TMPRSS11E: variants seen among roughly 807,000 people sequenced by gnomAD.
TMPRSS11E encodes transmembrane serine protease 11E.
A neutral mutation model predicts 48.1 loss-of-function variants in TMPRSS11E; 38 were observed. The ratio of observed to expected loss-of-function variants is 0.79; its 90% CI spans 0.61 to 1.04. The LOEUF (loss-of-function observed/expected upper bound fraction) is 1.04. Ranked by LOEUF, TMPRSS11E falls within the 50% of genes least tolerant of loss-of-function variation. TMPRSS11E has a pLI of 0.00. For synonymous variants in TMPRSS11E, 158 were observed against 171.9 expected (o/e 0.92, Z 0.63); for missense variants, 530 against 510.8 (o/e 1.04, Z -0.36).
chr4:68,455,258 A>G (rs1458020807), intron 1 of TMPRSS11E, among the ~76,000 whole-genome samples: 1 of 151,956 alleles, frequency 6.6e-6, no homozygotes, highest in African/African-American at 2.4e-5. Flanking sequence ...CAAATGCTGA[A>G]TTTTAATTAG....
At chr4:68,466,429 A>C (rs1204599307) in intron 2 of TMPRSS11E, among the ~76,000 whole-genome samples, 1 of 152,108 alleles carries the variant, frequency 6.6e-6, no homozygotes, top group Non-Finnish European at 1.5e-5. Flanking sequence ...TACAGCTTTT[A>C]TTCTCTAAAT....
At chr4:68,449,734 AAG>A (rs1171730474) in intron 1 of TMPRSS11E, among the ~76,000 whole-genome samples, 1 of 151,818 alleles carries the variant, frequency 6.6e-6, no homozygotes, top group African/African-American at 2.4e-5. Flanking sequence ...GAAAAAGAAA[AAG>A]AAATGTGTAA....
chr4:68,452,325 A>G (rs1401474209), intron 1 of TMPRSS11E, among the ~76,000 whole-genome samples: 1 of 152,014 alleles, frequency 6.6e-6, no homozygotes, highest in African/African-American at 2.4e-5. Flanking sequence ...GTTACTTTAC[A>G]TTAAATTTTG....
chr4:68,478,343 C>T (rs1310624993), intron 8 of TMPRSS11E, among the ~76,000 whole-genome samples: 7 of 151,236 alleles, frequency 4.6e-5, no homozygotes, highest in South Asian at 2.1e-4. Flanking sequence ...AGGGTTTCAC[C>T]ATGTTGGCCA....
chr4:68,449,379 A>G (rs1728432927), intron 1 of TMPRSS11E, among the ~76,000 whole-genome samples: 1 of 151,786 alleles, frequency 6.6e-6, no homozygotes, highest in Admixed American at 6.6e-5. Context: ...GTGTATACTA[A>G]CTGTATTTAT....
chr4:68,454,615 T>C (rs1008519120), intron 1 of TMPRSS11E, among the ~76,000 whole-genome samples: 2 of 151,954 alleles, frequency 1.3e-5, no homozygotes, highest in Non-Finnish European at 2.9e-5. Context: ...CGAGAGGGTC[T>C]ATACATTTTT....
rs902945743 is a variant in TMPRSS11E at position 68,478,823 on chromosome 4, A to G, written c.968-26A>G. On this transcript the variant is annotated intron_variant, in intron 8 of 9. Coordinates refer to ENST00000305363, the MANE Select transcript of TMPRSS11E (RefSeq NM_014058.4). ...TTTATAAAATATATGTATGTCTACA[A>G]ATACAAAGACTTTTTTTTCTTTTAG... 9.9e-6 allele frequency: 16 copies of G among 1,610,086 alleles called. No individual in the cohort carries two copies. In the African/African-American group the frequency reaches 1.9e-4, roughly 19 times the overall value.
intron 1 of TMPRSS11E, among the ~76,000 whole-genome samples, chr4:68,457,861 T>C (rs1210863361): frequency 6.6e-6 from 1 of 151,888 alleles, no homozygotes; most frequent in East Asian, 1.9e-4. Context: ...ATGTTTTCAC[T>C]CATAAGTGGG....
chr4:68,473,383 C>G (rs1729125766), intron 5 of TMPRSS11E, among the ~76,000 whole-genome samples: 1 of 152,082 alleles, frequency 6.6e-6, no homozygotes, highest in African/African-American at 2.4e-5. Flanking sequence ...TCCACCTCTG[C>G]TTACTTAATG....
intron 8 of TMPRSS11E, 98 bp downstream of exon 8, chr4:68,477,726 G>A (rs547973004): frequency 2.7e-6 from 4 of 1,461,664 alleles, no homozygotes; most frequent in South Asian, 2.6e-5. Flanking sequence ...TAGTTGTGTG[G>A]TCATATGACC....
chr4:68,460,293 C>T (rs1728753330), intron 1 of TMPRSS11E, among the ~76,000 whole-genome samples: 1 of 152,176 alleles, frequency 6.6e-6, no homozygotes, highest in Non-Finnish European at 1.5e-5. Context: ...ATAATATTAT[C>T]ACTTCCTGAT....
At chr4:68,450,654 G>A (rs1728472442) in intron 1 of TMPRSS11E, among the ~76,000 whole-genome samples, 1 of 151,902 alleles carries the variant, frequency 6.6e-6, no homozygotes, top group Admixed American at 6.6e-5. Context: ...TTATGCTGAG[G>A]AAAGAAGTGT....
intron 9 of TMPRSS11E, among the ~76,000 whole-genome samples, 196 bp from the exon 10 acceptor site, chr4:68,496,447 C>A (rs374594159): frequency 6.6e-6 from 1 of 152,144 alleles, no homozygotes; most frequent in Non-Finnish European, 1.5e-5. Flanking sequence ...AGGTTTCAAT[C>A]TCATCAGTTT....
At chr4:68,485,143 T>A (rs1729516378) in intron 9 of TMPRSS11E, among the ~76,000 whole-genome samples, 1 of 151,994 alleles carries the variant, frequency 6.6e-6, no homozygotes, top group Admixed American at 6.6e-5. Flanking sequence ...TAGTTCAAGG[T>A]TTTTTTCTTT....
chr4:68,456,504 A>G (rs1374729811), intron 1 of TMPRSS11E, among the ~76,000 whole-genome samples: 1 of 151,994 alleles, frequency 6.6e-6, no homozygotes, highest in Non-Finnish European at 1.5e-5. Flanking sequence ...GCACGTATAT[A>G]TGATATTCTG....
At chr4:68,476,978 G>A (rs112815046) in intron 7 of TMPRSS11E, among the ~76,000 whole-genome samples, 1 of 152,082 alleles carries the variant, frequency 6.6e-6, no homozygotes, top group Non-Finnish European at 1.5e-5. Flanking sequence ...ATAATACTTT[G>A]TTAAATTATT....
chr4:68,457,942 G>A (rs1291725197), intron 1 of TMPRSS11E, among the ~76,000 whole-genome samples: 2 of 152,010 alleles, frequency 1.3e-5, no homozygotes, highest in Non-Finnish European at 2.9e-5. Context: ...GTGGGTGGGG[G>A]GCTAGGGGAG....
At chr4:68,461,156 T>C (rs1033046521) in intron 1 of TMPRSS11E, among the ~76,000 whole-genome samples, 4 of 152,078 alleles carry the variant, frequency 2.6e-5, no homozygotes, top group African/African-American at 7.2e-5. Flanking sequence ...GCTGGGATTA[T>C]AGGCGTGAGC....
chr4:68,474,785 A>T, intron 6 of TMPRSS11E, 24 bp downstream of exon 6: 1 of 1,570,534 alleles, frequency 6.4e-7, no homozygotes, highest in Non-Finnish European at 8.7e-7. Flanking sequence ...ATTTATTAAA[A>T]TAGCATTACC....
Sources: gnomAD v4.1 joint callset for allele counts (sites outside exome capture counted in the v4.1 genomes callset) on GRCh38, gnomAD v4.1.1 for gene constraint, MANE v1.5 for transcripts, NCBI Gene and HGNC (gene_info 2026-07-23, HGNC 2026-07-21) for gene names.